Variants in SRBD1 observed in about 807,000 individuals in gnomAD.
The protein encoded by SRBD1 is S1 RNA-binding domain-containing protein 1.
A neutral mutation model predicts 115.3 loss-of-function variants in SRBD1; 88 were observed. The observed-to-expected ratio is 0.76, with a 90% CI of 0.64 to 0.91. The LOEUF is 0.91. Among genes scored for constraint, SRBD1 ranks in the 40% least tolerant of loss-of-function variants. The pLI, the probability that SRBD1 is intolerant of heterozygous loss-of-function variation, is 0.00. For synonymous variants in SRBD1, 509 were observed against 407.7 expected (o/e 1.25, Z -2.99); for missense variants, 1,385 against 1,177.4 (o/e 1.18, Z -2.58).
At chr2:45,496,537 AG>A (rs1344530433) in intron 14 of SRBD1, among the ~76,000 whole-genome samples, 2 of 152,310 alleles carry the variant, frequency 1.3e-5, no homozygotes, top group East Asian at 3.9e-4. Flanking sequence ...GGCAACAAAC[AG>A]CCCAGTTCTT....
chr2:45,442,699 A>T (rs1382019140), intron 16 of SRBD1, among the ~76,000 whole-genome samples: 1 of 152,202 alleles, frequency 6.6e-6, no homozygotes. Flanking sequence ...GGAATATTCT[A>T]TTGGAGTAAA....
At chr2:45,427,915 C>T (rs539027169) in intron 16 of SRBD1, among the ~76,000 whole-genome samples, 2 of 152,054 alleles carry the variant, frequency 1.3e-5, no homozygotes, top group African/African-American at 4.8e-5. Flanking sequence ...ACTTTAAAAC[C>T]CCACTGTCAA....
intron 12 of SRBD1, among the ~76,000 whole-genome samples, chr2:45,549,226 C>A (rs1470196465): frequency 6.6e-6 from 1 of 150,464 alleles, no homozygotes; most frequent in Non-Finnish European, 1.5e-5. Flanking sequence ...AAAAAGAAAG[C>A]CCAGATAAAA....
chr2:45,456,587 A>G (rs1330234336), intron 16 of SRBD1, among the ~76,000 whole-genome samples: 2 of 151,936 alleles, frequency 1.3e-5, no homozygotes, highest in Admixed American at 6.6e-5. Context: ...AAGTTTGAGT[A>G]TAATTTTCGA....
Position 45,420,878 on chromosome 2 carries a change from T to C in SRBD1, c.2050-984A>G, listed in dbSNP as rs114504533. On this transcript the variant is annotated intron_variant, in intron 16 of 20. Coordinates refer to ENST00000263736, the MANE Select transcript of SRBD1 (RefSeq NM_018079.5). ...TTATTTTATTTTATTCTTATTATTATACTTTAAGTTGTTCTAGGGTACATG... is the reference window on the plus strand; with the variant it reads ...TTATTTTATTTTATTCTTATTATTACACTTTAAGTTGTTCTAGGGTACATG... Among the ~76,000 whole-genome samples the C allele has an allele frequency of 6.3e-3, 953 of 152,350 alleles. 14 individuals carry two copies. The highest frequency in any genetic ancestry group is 0.022 in the African/African-American group (901 of 41,576).
intron 12 of SRBD1, among the ~76,000 whole-genome samples, chr2:45,549,450 G>C (rs557295257): frequency 1.3e-5 from 2 of 151,426 alleles, no homozygotes; most frequent in African/African-American, 4.9e-5. Flanking sequence ...ATTCTATATA[G>C]AATGATTATT....
At chr2:45,535,405 T>C (rs905634794) in intron 14 of SRBD1, among the ~76,000 whole-genome samples, 1 of 152,022 alleles carries the variant, frequency 6.6e-6, no homozygotes, top group Non-Finnish European at 1.5e-5. Flanking sequence ...CTACTGTCCC[T>C]TCCTACCTAA....
At chr2:45,508,036 A>C (rs1358149698) in intron 14 of SRBD1, among the ~76,000 whole-genome samples, 3 of 152,216 alleles carry the variant, frequency 2.0e-5, no homozygotes, top group Non-Finnish European at 4.4e-5. Flanking sequence ...ACAAGTTCTT[A>C]AAGCCTGACC....
chr2:45,533,281 A>G (rs1671669404), intron 14 of SRBD1, among the ~76,000 whole-genome samples: 1 of 152,062 alleles, frequency 6.6e-6, no homozygotes, highest in African/African-American at 2.4e-5. Flanking sequence ...TGAATTCACT[A>G]CATTACCTGT....
Position 45,389,002 on chromosome 2 carries a change from T to C in SRBD1, c.*308A>G. Reference sequence around the variant, plus strand: ...GGCAAGTAGAAGTTAAGCAATCTGTTATACAAAATGCAAAAGGAGTTAAAG... The same window carrying C: ...GGCAAGTAGAAGTTAAGCAATCTGTCATACAAAATGCAAAAGGAGTTAAAG... On this transcript the variant is annotated 3_prime_UTR_variant, in exon 21 of 21. Coordinates refer to ENST00000263736, the MANE Select transcript of SRBD1 (RefSeq NM_018079.5). 1 of 290,704 alleles carries C rather than the reference T, an allele frequency of 3.4e-6. No homozygotes were observed. Among genetic ancestry groups the C allele is most frequent in the Non-Finnish European group, 6.4e-6 (1 of 155,776 alleles). 18.0% of individuals were successfully genotyped at this position (290,704 alleles called of 1,614,324 possible).
intron 10 of SRBD1, 67 bp downstream of exon 10, chr2:45,562,586 A>G (rs886812454): frequency 1.6e-6 from 2 of 1,265,608 alleles, no homozygotes; most frequent in Admixed American, 2.3e-5. Context: ...ATATCAGTAC[A>G]TATAGATATC....
At chr2:45,472,977 G>A (rs560293653) in intron 16 of SRBD1, among the ~76,000 whole-genome samples, 107 of 149,206 alleles carry the variant, frequency 7.2e-4, no homozygotes, top group Middle Eastern at 3.4e-3. Flanking sequence ...CTTTAGGAGT[G>A]TCTCTTGCAC....
chr2:45,475,179 T>C (rs1216556329), intron 16 of SRBD1, among the ~76,000 whole-genome samples: 1 of 152,172 alleles, frequency 6.6e-6, no homozygotes, highest in Non-Finnish European at 1.5e-5. Context: ...CATCCACATA[T>C]CAGAACCCTT....
intron 7 of SRBD1, among the ~76,000 whole-genome samples, chr2:45,578,673 C>A (rs991461345): frequency 6.6e-6 from 1 of 151,732 alleles, no homozygotes; most frequent in Non-Finnish European, 1.5e-5. Context: ...ATGGGATCCA[C>A]AGAAGGACAA....
At chr2:45,583,370 A>G (rs559594161) in intron 5 of SRBD1, among the ~76,000 whole-genome samples, 6 of 152,328 alleles carry the variant, frequency 3.9e-5, no homozygotes, top group Non-Finnish European at 7.4e-5. Context: ...GGTCATTTTA[A>G]CAAAAAGCCA....
intron 15 of SRBD1, among the ~76,000 whole-genome samples, chr2:45,484,247 G>A (rs906484950): frequency 5.3e-5 from 8 of 152,108 alleles, no homozygotes; most frequent in Admixed American, 3.3e-4. Flanking sequence ...TTTGCCCAGT[G>A]GTAAGGCTTG....
intron 15 of SRBD1, among the ~76,000 whole-genome samples, chr2:45,481,321 T>C (rs2103832570): frequency 6.6e-6 from 1 of 152,180 alleles, no homozygotes; most frequent in African/African-American, 2.4e-5. Context: ...TAGTGGACAG[T>C]AATAATGCAG....
chr2:45,528,466 A>G (rs1671515607), intron 14 of SRBD1, among the ~76,000 whole-genome samples: 1 of 151,912 alleles, frequency 6.6e-6, no homozygotes, highest in Non-Finnish European at 1.5e-5. Flanking sequence ...GAGAATTAAC[A>G]TCAGTAAAGG....
At chr2:45,530,213 C>A (rs965341512) in intron 14 of SRBD1, among the ~76,000 whole-genome samples, 1 of 152,020 alleles carries the variant, frequency 6.6e-6, no homozygotes, top group African/African-American at 2.4e-5. Context: ...CCATTAACTG[C>A]TAACCTGATG....
Sources: allele counts gnomAD v4.1 joint callset (sites outside exome capture counted in the v4.1 genomes callset), GRCh38; gene constraint gnomAD v4.1.1; transcripts MANE v1.5; gene names NCBI Gene and HGNC (gene_info 2026-07-23, HGNC 2026-07-21).